Variants in CABCOCO1 observed in about 807,000 individuals in gnomAD.
CABCOCO1 encodes the protein ciliary-associated calcium-binding coiled-coil protein 1.
In CABCOCO1, 28 loss-of-function variants were observed where a neutral mutation model predicts 35.7. The ratio of observed to expected loss-of-function variants is 0.78; its 90% CI spans 0.58 to 1.07. The LOEUF is 1.07. CABCOCO1 is among the 50% of genes least tolerant of loss of function. The pLI is 0.00. For missense variants in CABCOCO1, 326 were observed against 309.2 expected, an observed-to-expected ratio of 1.05 and a Z score of -0.41; for synonymous variants, 95 against 100.1, an observed-to-expected ratio of 0.95 and a Z score of 0.30.
intron 2 of CABCOCO1, among the ~76,000 whole-genome samples, chr10:61,673,467 G>A (rs1839420938): frequency 6.6e-6 from 1 of 152,194 alleles, no homozygotes; most frequent in African/African-American, 2.4e-5. Context: ...GCATCTTGGT[G>A]TCAGTTCTCT....
At chr10:61,764,022 C>G (rs997675800) in intron 7 of CABCOCO1, among the ~76,000 whole-genome samples, 11 of 151,988 alleles carry the variant, frequency 7.2e-5, no homozygotes, top group African/African-American at 2.7e-4. Context: ...CTCTTAGCTG[C>G]CCCTTCATGA....
chr10:61,680,711 G>T lies in CABCOCO1; in HGVS notation c.165-432G>T, dbSNP rs1313071903. 6.7e-5 allele frequency among the ~76,000 whole-genome samples: 6 copies of T among 88,946 alleles called. 1 individual carries two copies. In the Admixed American group the frequency reaches 7.9e-4, roughly 12 times the overall value. The allele number at this position is 88,946 out of a possible 152,430, so 58.4% of individuals were successfully genotyped here. On this transcript the variant is annotated intron_variant, in intron 2 of 7. Coordinates refer to ENST00000648843, the MANE Select transcript of CABCOCO1 (RefSeq NM_001366906.2). ...TGTATAACATATATATGTTATACAT[G>T]TATAACATATATATTATATATATAA...
chr10:61,679,329 C>CTATAATCTATCTA (rs60971419), intron 2 of CABCOCO1, among the ~76,000 whole-genome samples: 17 of 142,844 alleles, frequency 1.2e-4, no homozygotes, highest in African/African-American at 4.1e-4. Flanking sequence ...ATATCTATAT[C>CTATAATCTATCTA]TATCTATATC....
At chr10:61,707,225 T>C (rs1340585063) in intron 5 of CABCOCO1, among the ~76,000 whole-genome samples, 1 of 152,028 alleles carries the variant, frequency 6.6e-6, no homozygotes, top group South Asian at 2.1e-4. Context: ...CAACAGAAGA[T>C]AATTAAATAG....
At chr10:61,745,083 T>C (rs1298441317) in intron 5 of CABCOCO1, among the ~76,000 whole-genome samples, 1 of 152,196 alleles carries the variant, frequency 6.6e-6, no homozygotes, top group African/African-American at 2.4e-5. Context: ...TCAGTAGTTA[T>C]TAATACTGGG....
At chr10:61,748,727 C>G (rs181418603) in intron 5 of CABCOCO1, among the ~76,000 whole-genome samples, 4 of 152,080 alleles carry the variant, frequency 2.6e-5, no homozygotes, top group Non-Finnish European at 4.4e-5. Context: ...TCTCTGTTTC[C>G]CACTCAAAAA....
intron 5 of CABCOCO1, among the ~76,000 whole-genome samples, chr10:61,691,466 GA>G (rs1840137918): frequency 6.6e-6 from 1 of 152,012 alleles, no homozygotes; most frequent in African/African-American, 2.4e-5. Context: ...TTCTGAGTAG[GA>G]AAACATGTTT....
At chr10:61,666,110 G>A (rs1281642205) in intron 1 of CABCOCO1, among the ~76,000 whole-genome samples, 1 of 152,052 alleles carries the variant, frequency 6.6e-6, no homozygotes, top group Non-Finnish European at 1.5e-5. Flanking sequence ...AATTTTGAGG[G>A]GTAAGATGAT....
At chr10:61,677,592 C>G (rs1031136673) in intron 2 of CABCOCO1, among the ~76,000 whole-genome samples, 1 of 151,532 alleles carries the variant, frequency 6.6e-6, no homozygotes, top group Non-Finnish European at 1.5e-5. Flanking sequence ...ATGTGCACAA[C>G]GTGCAGGATT....
At chr10:61,690,412 G>A (rs1840100623) in intron 4 of CABCOCO1, 137 bp from the exon 5 acceptor site, 1 of 543,588 alleles carries the variant, frequency 1.8e-6, no homozygotes, top group African/African-American at 1.9e-5. Context: ...TGGAATAAAG[G>A]AGGATGCTAA....
chr10:61,761,685 T>C (rs942291336), intron 7 of CABCOCO1, among the ~76,000 whole-genome samples: 14 of 152,116 alleles, frequency 9.2e-5, no homozygotes, highest in African/African-American at 3.4e-4. Flanking sequence ...ACATTTGCAA[T>C]TTATTTAGAA....
intron 7 of CABCOCO1, among the ~76,000 whole-genome samples, chr10:61,764,093 G>T (rs1842061568): frequency 6.6e-6 from 1 of 152,004 alleles, no homozygotes; most frequent in East Asian, 1.9e-4. Context: ...TACCAGAAAG[G>T]CCTCCAAGTG....
intron 4 of CABCOCO1, among the ~76,000 whole-genome samples, chr10:61,689,785 A>T (rs192101675): frequency 6.6e-6 from 1 of 152,292 alleles, no homozygotes; most frequent in African/African-American, 2.4e-5. Flanking sequence ...AGAAAAATTC[A>T]AATATTATCA....
chr10:61,679,409 A>C (rs1044178003), intron 2 of CABCOCO1, among the ~76,000 whole-genome samples: 7 of 152,158 alleles, frequency 4.6e-5, no homozygotes, highest in Admixed American at 6.5e-5. Context: ...CCTTGTCTGC[A>C]ATAGCAGGAC....
intron 5 of CABCOCO1, among the ~76,000 whole-genome samples, chr10:61,698,118 A>G (rs983268972): frequency 4.6e-5 from 7 of 152,180 alleles, no homozygotes; most frequent in African/African-American, 1.7e-4. Flanking sequence ...GTTATATCCT[A>G]TGTATGCATT....
intron 5 of CABCOCO1, among the ~76,000 whole-genome samples, chr10:61,749,540 C>G (rs1218591301): frequency 6.6e-6 from 1 of 152,156 alleles, no homozygotes; most frequent in Non-Finnish European, 1.5e-5. Context: ...TAGTTAGTGC[C>G]AACACTATGT....
At chr10:61,755,583 G>A (rs551784049) in intron 5 of CABCOCO1, among the ~76,000 whole-genome samples, 1 of 152,136 alleles carries the variant, frequency 6.6e-6, no homozygotes, top group African/African-American at 2.4e-5. Context: ...AAAAGCTTGA[G>A]CAGATTTATC....
intron 1 of CABCOCO1, among the ~76,000 whole-genome samples, chr10:61,667,181 T>C (rs1487284055): frequency 1.4e-5 from 2 of 145,882 alleles, no homozygotes; most frequent in Non-Finnish European, 3.0e-5. Context: ...ACATTTTACA[T>C]ATTATATATA....
chr10:61,691,319 G>A (rs1255829206), intron 5 of CABCOCO1, among the ~76,000 whole-genome samples: 3 of 152,032 alleles, frequency 2.0e-5, no homozygotes, highest in African/African-American at 7.2e-5. Context: ...GTATAATGTA[G>A]GATACAGTAA....
Sources: allele counts gnomAD v4.1 joint callset (sites outside exome capture counted in the v4.1 genomes callset), GRCh38; gene constraint gnomAD v4.1.1; transcripts MANE v1.5; gene names NCBI Gene and HGNC (gene_info 2026-07-23, HGNC 2026-07-21).